The following KLRG2 variants were observed in gnomAD, a reference collection of about 807,000 sequenced individuals.
KLRG2 encodes the protein killer cell lectin-like receptor subfamily G member 2.
In KLRG2, 39 loss-of-function variants were observed where a neutral mutation model predicts 35.4. That is an observed-to-expected ratio of 1.10 (90% confidence interval 0.85 to 1.44). KLRG2 has a LOEUF of 1.44. Among genes scored for constraint, KLRG2 ranks in the 40% most tolerant of loss-of-function variants. KLRG2 has a pLI of 0.00. For missense variants in KLRG2, 632 were observed against 570.9 expected (o/e 1.11, Z -1.09); for synonymous variants, 283 against 265.8 (o/e 1.06, Z -0.63).
At chr7:139,462,879 C>A (rs1796590435) in intron 3 of KLRG2, among the ~76,000 whole-genome samples, 1 of 152,130 alleles carries the variant, frequency 6.6e-6, no homozygotes, top group African/African-American at 2.4e-5. Flanking sequence ...TCTTTCCAAT[C>A]TTCCTTTTCT....
chr7:139,430,615 C>T, the KLRG2 span, among the ~76,000 whole-genome samples: 17 of 152,152 alleles, frequency 1.1e-4, no homozygotes, highest in Admixed American at 5.2e-4. Flanking sequence ...AATCCTCCTA[C>T]GTACCCAAGG....
the KLRG2 span, among the ~76,000 whole-genome samples, chr7:139,437,754 G>C: frequency 2.2e-4 from 28 of 128,642 alleles, no homozygotes; most frequent in Admixed American, 7.9e-4. Flanking sequence ...CACCGCACCC[G>C]GCCATCATTA....
At position 139,457,237 on chromosome 7, in the gene KLRG2, G is replaced by A. The variant is rs879503771; in HGVS notation, c.1006-3023C>T. ...GGGGCCCAGGGTGGGGCTGGGCAGG[G>A]AAACTTGGAGAGGATGGGAGGGCCC... On this transcript the variant is annotated intron_variant, in intron 3 of 4. Transcript: ENST00000340940. 3.4e-4 allele frequency among the ~76,000 whole-genome samples: 52 copies of A among 152,270 alleles called. 2 individuals are homozygous for A. The highest frequency in any genetic ancestry group is 2.0e-3 in the Admixed American group (31 of 15,296).
At position 139,453,172 on chromosome 7, in the gene KLRG2, C is replaced by A; in HGVS notation, c.*415G>T. On this transcript the variant is annotated 3_prime_UTR_variant, in exon 5 of 5. Transcript: ENST00000340940. ...AGCAATGACGTTATCCCTGCCAAGT[C>A]CCACTGCCACTGAACAACGGCAGAC... 1 of 314,478 alleles carries A rather than the reference C, an allele frequency of 3.2e-6. No individual in the cohort carries two copies. Among genetic ancestry groups the A allele is most frequent in the Non-Finnish European group, 5.7e-6 (1 of 174,286 alleles). 19.5% of individuals were successfully genotyped at this position (314,478 alleles called of 1,614,324 possible).
Position 139,453,425 on chromosome 7 carries a change from G to A in KLRG2, c.*162C>T. The A allele has an allele frequency of 3.0e-6, 2 of 664,706 alleles. No homozygotes were observed. Among genetic ancestry groups the A allele is most frequent in the Non-Finnish European group, 5.0e-6 (2 of 402,424 alleles). The allele number at this position is 664,706 out of a possible 1,614,324, so 41.2% of individuals were successfully genotyped here. A position where few individuals can be genotyped will look rare whatever the true frequency, so the allele number is the denominator to read the frequency against. ...CCTTTCCCTCGGATGCATCTTCCTG[G>A]GTTGAAGTCCAGCTCCTAGGCTCGC... On this transcript the variant is annotated 3_prime_UTR_variant, in exon 5 of 5. Transcript: ENST00000340940.
chr7:139,450,222 T>G (rs547367817), downstream of KLRG2, among the ~76,000 whole-genome samples: 315 of 124,932 alleles, frequency 2.5e-3, 2 homozygotes, highest in Middle Eastern at 0.02. Context: ...TTTGTTTTTT[T>G]TTTTGTTTTG....
downstream of KLRG2, among the ~76,000 whole-genome samples, chr7:139,448,356 G>A (rs377247412): frequency 6.6e-6 from 1 of 152,116 alleles, no homozygotes; most frequent in Non-Finnish European, 1.5e-5. Flanking sequence ...AGACCAGTCA[G>A]TCTGTTTGTA....
chr7:139,463,961 T>TTA lies in KLRG2; in HGVS notation c.1006-9749_1006-9748dup, dbSNP rs1796611256. On this transcript the variant is annotated intron_variant, in intron 3 of 4. Transcript: ENST00000340940. ...GTTGACGGCCAGGCTTCTAGACCTC[T>TTA]TAAAACTCCCCAACTCTGATGCTAG... is the stretch of plus-strand genomic sequence containing the variant. Among the ~76,000 whole-genome samples the TTA allele has an allele frequency of 2.0e-5, 3 of 152,196 alleles. No homozygotes were observed. In the South Asian group the frequency reaches 6.2e-4, roughly 31 times the overall value.
intron 3 of KLRG2, among the ~76,000 whole-genome samples, chr7:139,467,645 G>A (rs7457824): frequency 2.7e-5 from 4 of 148,504 alleles, no homozygotes; most frequent in South Asian, 2.2e-4. Flanking sequence ...CAGCATGCTC[G>A]TTAAGAGTCA....
chr7:139,469,939 C>T (rs1286598434), intron 3 of KLRG2, among the ~76,000 whole-genome samples: 1 of 152,158 alleles, frequency 6.6e-6, no homozygotes, highest in African/African-American at 2.4e-5. Flanking sequence ...CACAAGTGTG[C>T]CTAAGAGCAT....
At chr7:139,481,974 C>A (rs1471734731) in intron 1 of KLRG2, among the ~76,000 whole-genome samples, 1 of 152,046 alleles carries the variant, frequency 6.6e-6, no homozygotes, top group Non-Finnish European at 1.5e-5. Flanking sequence ...AATTGGCTAT[C>A]TCTTGCCCCA....
the KLRG2 span, among the ~76,000 whole-genome samples, chr7:139,443,750 C>T: frequency 1.3e-5 from 2 of 151,758 alleles, no homozygotes; most frequent in Non-Finnish European, 2.9e-5. Context: ...TTAGTAGAGG[C>T]AGGGTTTCAC....
chr7:139,450,740 T>C (rs945593358), downstream of KLRG2, among the ~76,000 whole-genome samples: 2 of 152,354 alleles, frequency 1.3e-5, no homozygotes, highest in African/African-American at 4.8e-5. Flanking sequence ...TAAGTACATC[T>C]GTTCTGCCAG....
chr7:139,476,924 C>T (rs1471058288), intron 3 of KLRG2, among the ~76,000 whole-genome samples: 1 of 152,162 alleles, frequency 6.6e-6, no homozygotes, highest in African/African-American at 2.4e-5. Context: ...GCCTCACTCA[C>T]TGCTGTCTTA....
downstream of KLRG2, among the ~76,000 whole-genome samples, chr7:139,451,966 C>CTTTTTTT (rs58186917): frequency 1.2e-4 from 14 of 117,224 alleles, no homozygotes; most frequent in Non-Finnish European, 2.2e-4. Flanking sequence ...TTTCCATGTC[C>CTTTTTTT]TTTTTTTTTT....
chr7:139,450,627 T>C (rs1309933662), downstream of KLRG2, among the ~76,000 whole-genome samples: 2 of 152,198 alleles, frequency 1.3e-5, no homozygotes, highest in Non-Finnish European at 1.5e-5. Flanking sequence ...TTTTATTATT[T>C]ATTACTATTA....
At chr7:139,466,414 T>A (rs1323279068) in intron 3 of KLRG2, among the ~76,000 whole-genome samples, 5 of 152,126 alleles carry the variant, frequency 3.3e-5, no homozygotes, top group Non-Finnish European at 7.3e-5. Context: ...CCCAAGCAGT[T>A]TCTCAGGCTC....
chr7:139,474,910 ATCTC>A (rs376828900), intron 3 of KLRG2, among the ~76,000 whole-genome samples: 2 of 152,292 alleles, frequency 1.3e-5, no homozygotes, highest in Admixed American at 6.5e-5. Context: ...AGGAAATAGA[ATCTC>A]TCTCTCTGAC....
chr7:139,480,484 C>T (rs541794953), intron 1 of KLRG2, among the ~76,000 whole-genome samples: 4 of 106,592 alleles, frequency 3.8e-5, no homozygotes, highest in South Asian at 5.9e-4. Context: ...CTTGCTTTGT[C>T]GCCCAGGTTG....
Sources: gnomAD v4.1 joint callset for allele counts (sites outside exome capture counted in the v4.1 genomes callset) on GRCh38, gnomAD v4.1.1 for gene constraint, MANE v1.5 for transcripts, NCBI Gene and HGNC (gene_info 2026-07-23, HGNC 2026-07-21) for gene names.